The following SNAP23 variants were observed in gnomAD, a reference collection of about 807,000 sequenced individuals.
The protein encoded by SNAP23 is synaptosomal-associated protein 23.
In SNAP23, 11 loss-of-function variants were observed where a neutral mutation model predicts 29.0. That is an observed-to-expected ratio of 0.38 (90% CI 0.24 to 0.63). SNAP23 has a LOEUF of 0.63. Ranked by LOEUF, SNAP23 falls within the 20% of genes least tolerant of loss-of-function variation. The pLI is 0.58. For missense variants in SNAP23, 220 were observed against 253.9 expected, an observed-to-expected ratio of 0.87 and a Z score of 0.91; for synonymous variants, 60 against 82.9, an observed-to-expected ratio of 0.72 and a Z score of 1.50.
intron 1 of SNAP23, among the ~76,000 whole-genome samples, chr15:42,508,344 T>G (rs1243988837): frequency 1.3e-5 from 2 of 151,974 alleles, no homozygotes; most frequent in Admixed American, 6.6e-5. Flanking sequence ...GAGGGCGGAC[T>G]TTTATATCTG....
chr15:42,529,419 T>A (rs973078168), intron 6 of SNAP23, among the ~76,000 whole-genome samples: 2 of 152,164 alleles, frequency 1.3e-5, no homozygotes, highest in African/African-American at 4.8e-5. Flanking sequence ...GCTTCCCAGG[T>A]GATGCTGGGA....
chr15:42,528,992 A>G (rs1343272491), intron 6 of SNAP23, among the ~76,000 whole-genome samples: 2 of 152,152 alleles, frequency 1.3e-5, no homozygotes, highest in South Asian at 2.1e-4. Flanking sequence ...TTACTTTTAT[A>G]TATAGAAAAA....
At chr15:42,519,625 C>G (rs1358844245) in intron 5 of SNAP23, among the ~76,000 whole-genome samples, 1 of 152,106 alleles carries the variant, frequency 6.6e-6, no homozygotes, top group African/African-American at 2.4e-5. Context: ...CCACCTCGGC[C>G]TCCCAACGTG....
At chr15:42,506,842 A>T (rs182601147) in intron 1 of SNAP23, among the ~76,000 whole-genome samples, 82 of 150,854 alleles carry the variant, frequency 5.4e-4, no homozygotes, top group Non-Finnish European at 9.4e-4. Flanking sequence ...TTTTGGAAAC[A>T]GGGTCTTGGT....
intron 7 of SNAP23, among the ~76,000 whole-genome samples, 183 bp from the exon 8 acceptor site, chr15:42,531,230 A>C (rs1377507241): frequency 6.6e-6 from 1 of 152,214 alleles, no homozygotes; most frequent in African/African-American, 2.4e-5. Context: ...TGTCATGTTT[A>C]TATACCAGGG....
At chr15:42,513,638 A>G (rs984063310) in intron 4 of SNAP23, among the ~76,000 whole-genome samples, 191 bp downstream of exon 4, 2 of 152,196 alleles carry the variant, frequency 1.3e-5, no homozygotes, top group African/African-American at 4.8e-5. Flanking sequence ...GCAGGCAACA[A>G]TGCCCAATTG....
chr15:42,494,267 C>T (rs1400248078), upstream of SNAP23, among the ~76,000 whole-genome samples: 1 of 151,996 alleles, frequency 6.6e-6, no homozygotes, highest in African/African-American at 2.4e-5. Flanking sequence ...TTTTTTCAAC[C>T]CCAGCATTCC....
chr15:42,526,695 A>T (rs2057506055), intron 5 of SNAP23, among the ~76,000 whole-genome samples: 1 of 152,238 alleles, frequency 6.6e-6, no homozygotes, highest in Admixed American at 6.5e-5. Context: ...TTTTGTTTAT[A>T]GAAAAGTGAA....
At chr15:42,492,206 C>G (rs995535761), upstream of SNAP23, among the ~76,000 whole-genome samples, 1 of 152,040 alleles carries the variant, frequency 6.6e-6, no homozygotes. Flanking sequence ...CCACCGCGCC[C>G]GGCCGCCTAT....
chr15:42,520,340 C>T (rs566093470), intron 5 of SNAP23, among the ~76,000 whole-genome samples: 2 of 152,050 alleles, frequency 1.3e-5, no homozygotes, highest in South Asian at 2.1e-4. Flanking sequence ...TGAGCCACCG[C>T]GCACAGCCCA....
rs1432867770 is a variant in SNAP23, at chr15:42,529,770, G to A, written c.521G>A (p.Gly174Asp). ...GNLKDMALNIGNEIDAQNPQI... is the reference protein window; with the variant it reads ...GNLKDMALNIDNEIDAQNPQI... ...CTAAAAGACATGGCCCTGAACATAGGCAATGAGATTGATGCTCAAAATCCA... is the reference window on the plus strand; with the variant it reads ...CTAAAAGACATGGCCCTGAACATAGACAATGAGATTGATGCTCAAAATCCA... Residue 174 changes from glycine (G) to aspartate (D), a missense_variant, in exon 7 of 8, where the codon GGC (glycine) becomes GAC (aspartate). Coordinates refer to ENST00000249647, the MANE Select transcript of SNAP23 (RefSeq NM_003825.4). The A allele has an allele frequency of 6.2e-7, 1 of 1,613,950 alleles. No homozygotes were observed. The highest frequency in any genetic ancestry group is 2.2e-5 in the East Asian group (1 of 44,878).
At chr15:42,516,104 G>A (rs189514092) in intron 5 of SNAP23, among the ~76,000 whole-genome samples, 2 of 151,926 alleles carry the variant, frequency 1.3e-5, no homozygotes, top group East Asian at 3.9e-4. Context: ...TGACAGATTG[G>A]AGTGGAGTAT....
intron 5 of SNAP23, among the ~76,000 whole-genome samples, chr15:42,519,551 G>A (rs139998812): frequency 1.1e-4 from 17 of 151,356 alleles, no homozygotes; most frequent in South Asian, 4.2e-4. Context: ...TGTATTTTTA[G>A]TAGAGACGGG....
intron 1 of SNAP23, among the ~76,000 whole-genome samples, chr15:42,499,279 T>C (rs1407672576): frequency 3.3e-5 from 5 of 152,172 alleles, no homozygotes; most frequent in Non-Finnish European, 5.9e-5. Context: ...TCCATGTTAG[T>C]GAGGCTGGTC....
chr15:42,525,354 C>T (rs2057490609), intron 5 of SNAP23, among the ~76,000 whole-genome samples: 1 of 133,544 alleles, frequency 7.5e-6, no homozygotes, highest in African/African-American at 3.0e-5. Flanking sequence ...GGCGATACAG[C>T]GAGACTCCGT....
chr15:42,529,232 C>G (rs2057537850), intron 6 of SNAP23, among the ~76,000 whole-genome samples: 1 of 152,106 alleles, frequency 6.6e-6, no homozygotes, highest in Non-Finnish European at 1.5e-5. Context: ...CAGATTTGGT[C>G]CTTGGGCCGT....
intron 1 of SNAP23, among the ~76,000 whole-genome samples, chr15:42,496,095 T>C (rs1412914874): frequency 6.6e-6 from 1 of 152,256 alleles, no homozygotes; most frequent in Non-Finnish European, 1.5e-5. Context: ...GTTCCTGGTA[T>C]TGGATAGCCC....
chr15:42,522,752 G>T (rs546076315), intron 5 of SNAP23, among the ~76,000 whole-genome samples: 1,437 of 136,094 alleles, frequency 0.011, 32 homozygotes, highest in African/African-American at 0.037. Flanking sequence ...TATCGTTTTT[G>T]TGCTCATACC....
chr15:42,522,371 A>T (rs2057456225), intron 5 of SNAP23, among the ~76,000 whole-genome samples: 1 of 152,214 alleles, frequency 6.6e-6, no homozygotes, highest in African/African-American at 2.4e-5. Context: ...ATGTTGAATT[A>T]ATACAAAACT....
Sources: allele counts gnomAD v4.1 joint callset (sites outside exome capture counted in the v4.1 genomes callset), GRCh38; gene constraint gnomAD v4.1.1; transcripts MANE v1.5; gene names NCBI Gene and HGNC (gene_info 2026-07-23, HGNC 2026-07-21).